Variants in PCDHA7 observed in about 807,000 individuals in gnomAD.
PCDHA7 encodes protocadherin alpha-7.
PCDHA7 carries 37 observed loss-of-function variants against 57.2 expected under a neutral mutation model. That is an observed-to-expected ratio of 0.65 (90% CI 0.50 to 0.85). The LOEUF (loss-of-function observed/expected upper bound fraction) is 0.85, where lower values mean the gene tolerates loss of function less well. PCDHA7 is among the 40% of genes least tolerant of loss of function. The pLI is 0.00. For synonymous variants in PCDHA7, 553 were observed against 558.8 expected (o/e 0.99, Z 0.15); for missense variants, 1,188 against 1,241.8 (o/e 0.96, Z 0.65).
intron 1 of PCDHA7, among the ~76,000 whole-genome samples, chr5:140,886,840 A>G (rs1175023921): frequency 4.0e-5 from 6 of 151,546 alleles, no homozygotes; most frequent in South Asian, 2.1e-4. Context: ...AAAAAAAAAA[A>G]AAAAAAAGAA....
rs1447681112 is a variant in PCDHA7 at position 140,836,437 on chromosome 5, G to A, written c.2054G>A (p.Gly685Asp). 6.2e-7 allele frequency: 1 copy of A among 1,613,724 alleles called. No individual in the cohort carries two copies. Among genetic ancestry groups the A allele is most frequent in the African/African-American group, 1.3e-5 (1 of 74,858 alleles). ...AAGGCGTCGTCGCGGGCATCGTTGG[G>A]CATTGCAGGCCCAGAGACCGAGCTG... ...APKASSRASL[G>D]IAGPETELVD... is the part of the protein sequence containing the mutation. Residue 685 changes from glycine (G) to aspartate (D), a missense_variant, in exon 1 of 4, where the codon GGC (glycine) becomes GAC (aspartate). Transcript: ENST00000525929.
At chr5:140,935,234 T>C (rs1160112983) in intron 1 of PCDHA7, among the ~76,000 whole-genome samples, 8 of 152,190 alleles carry the variant, frequency 5.3e-5, no homozygotes, top group Non-Finnish European at 1.2e-4. Context: ...GGATGTCTAT[T>C]TTTTAAAAGA....
At position 140,841,437 on chromosome 5, in the gene PCDHA7, C is replaced by G. The variant is rs2150315470; in HGVS notation, c.2355+4699C>G. The G allele has an allele frequency of 7.8e-4, 1,255 of 1,612,956 alleles. 28 individuals are homozygous for G. The East Asian group carries it at 0.027, about 34-fold the overall frequency. ...CTCCACTACTCCGTCCCCGAGGAGG[C>G]CAAACACGGCACCTTCGTGGGCCGG... On this transcript the variant is annotated intron_variant, in intron 1 of 3. Coordinates refer to ENST00000525929, the MANE Select transcript of PCDHA7 (RefSeq NM_018910.3).
intron 1 of PCDHA7, chr5:140,850,718 TTCTAGCGCGGTGGGGAGTTGGTCGTAC>T (rs2041783529): frequency 1.3e-6 from 2 of 1,597,556 alleles, no homozygotes; most frequent in African/African-American, 2.7e-5. Flanking sequence ...CGCTGGTGTG[TTCTAGCGCGGTGGGGAGTTGGTCGTAC>T]TCGCAGCAGA....
rs2150260018 is a variant in PCDHA7 at position 140,836,408 on chromosome 5, A to G, written c.2025A>G (p.Ala675=). Reference sequence around the variant, plus strand: ...TGTCGCTGGTGGAAAGCGGCCAGGCACCAAAGGCGTCGTCGCGGGCATCGT... The same window carrying G: ...TGTCGCTGGTGGAAAGCGGCCAGGCGCCAAAGGCGTCGTCGCGGGCATCGT... The part of the protein sequence containing the change: ...VLVSLVESGQ[A]PKASSRASLG... Residue 675 remains alanine (A), a synonymous_variant, in exon 1 of 4, where the codon GCA becomes GCG. Coordinates refer to ENST00000525929, the MANE Select transcript of PCDHA7 (RefSeq NM_018910.3). 22 of 1,613,740 alleles carry G rather than the reference A, an allele frequency of 1.4e-5. No individual in the cohort carries two copies. The highest frequency in any genetic ancestry group is 1.9e-5 in the Non-Finnish European group (22 of 1,179,848).
At chr5:140,852,905 G>C in intron 1 of PCDHA7, 3 of 819,178 alleles carry the variant, frequency 3.7e-6, no homozygotes, top group Non-Finnish European at 4.5e-6. Flanking sequence ...TTGAGTCAGA[G>C]TCTCGCTCTG....
At chr5:140,860,361 A>G (rs2046358077) in intron 1 of PCDHA7, 2 of 152,182 alleles carry the variant, frequency 1.3e-5, no homozygotes, top group African/African-American at 4.8e-5. Flanking sequence ...AGCCTGGATG[A>G]CAAAGTGAGA....
chr5:140,894,554 G>GAAA (rs1204407145), intron 1 of PCDHA7, among the ~76,000 whole-genome samples: 2 of 151,600 alleles, frequency 1.3e-5, no homozygotes, highest in African/African-American at 4.8e-5. Context: ...GTTTACTTCT[G>GAAA]AAAAAATTAT....
At chr5:140,872,131 A>G (rs2053496652) in intron 1 of PCDHA7, among the ~76,000 whole-genome samples, 1 of 152,148 alleles carries the variant, frequency 6.6e-6, no homozygotes, top group African/African-American at 2.4e-5. Context: ...TATCAAAGCT[A>G]GAATACTCCA....
At chr5:140,967,142 C>T in intron 1 of PCDHA7, 1 of 1,611,304 alleles carries the variant, frequency 6.2e-7, no homozygotes, top group Non-Finnish European at 8.5e-7. Flanking sequence ...AGTGCTGGCG[C>T]ACAACCCCGT....
intron 3 of PCDHA7, among the ~76,000 whole-genome samples, chr5:140,985,631 T>C (rs551279134): frequency 1.2e-4 from 18 of 152,250 alleles, no homozygotes; most frequent in Admixed American, 1.2e-3. Flanking sequence ...GTATTGCTCT[T>C]CTCATCCCAA....
At chr5:140,871,077 G>GACGGCC (rs782552854) in intron 1 of PCDHA7, 6 of 1,613,222 alleles carry the variant, frequency 3.7e-6, no homozygotes, top group Non-Finnish European at 5.1e-6. Context: ...AGCCGGCGCT[G>GACGGCC]ACGGCCACGG....
chr5:140,936,054 G>A (rs1198755229), intron 1 of PCDHA7, among the ~76,000 whole-genome samples: 2 of 151,770 alleles, frequency 1.3e-5, no homozygotes, highest in Non-Finnish European at 1.5e-5. Flanking sequence ...CACCACACCC[G>A]GCTAATTTTT....
At chr5:140,860,183 C>G (rs1286653695) in intron 1 of PCDHA7, 2 of 149,278 alleles carry the variant, frequency 1.3e-5, no homozygotes, top group Non-Finnish European at 3.0e-5. Flanking sequence ...ATATGATGGG[C>G]TCTCCTTACA....
intron 1 of PCDHA7, chr5:140,870,906 C>T (rs201710263): frequency 1.2e-6 from 2 of 1,613,948 alleles, no homozygotes; most frequent in African/African-American, 2.7e-5. Flanking sequence ...CGGACTCAGG[C>T]TACAACGCGT....
chr5:140,848,485 G>C (rs1386369016), intron 1 of PCDHA7: 1 of 1,573,026 alleles, frequency 6.4e-7, no homozygotes, highest in Non-Finnish European at 8.7e-7. Flanking sequence ...GAAGAAGACT[G>C]AGTATTTGAA....
At chr5:140,983,585 A>G (rs561693645) in intron 3 of PCDHA7, among the ~76,000 whole-genome samples, 18 of 152,338 alleles carry the variant, frequency 1.2e-4, no homozygotes, top group Non-Finnish European at 2.1e-4. Flanking sequence ...TATTACATCT[A>G]TTCTACATAT....
chr5:140,947,035 A>T (rs2094072055), intron 1 of PCDHA7, among the ~76,000 whole-genome samples: 1 of 151,748 alleles, frequency 6.6e-6, no homozygotes, highest in Admixed American at 6.6e-5. Flanking sequence ...GGATATACTA[A>T]TTACCCTGAT....
rs1012417649 is a variant in PCDHA7 at position 141,010,189 on chromosome 5, T to C, written c.*252T>C. On this transcript the variant is annotated 3_prime_UTR_variant, in exon 4 of 4. Coordinates refer to ENST00000525929, the MANE Select transcript of PCDHA7 (RefSeq NM_018910.3). ...AGAACCTAAAAAGCAGACCCAAGTT[T>C]CCTTTCTCCTCCGCCGCAAAGGAGA... 6 of 1,552,498 alleles carry C rather than the reference T, an allele frequency of 3.9e-6. No individual in the cohort carries two copies. Among genetic ancestry groups the C allele is most frequent in the Middle Eastern group, 1.7e-4 (1 of 5,994 alleles).
Sources: allele counts gnomAD v4.1 joint callset (sites outside exome capture counted in the v4.1 genomes callset), GRCh38; gene constraint gnomAD v4.1.1; transcripts MANE v1.5; gene names NCBI Gene and HGNC (gene_info 2026-07-23, HGNC 2026-07-21).